The following ANKMY1 variants were observed in gnomAD, a reference collection of about 807,000 sequenced individuals.
ANKMY1 encodes ankyrin repeat and MYND domain-containing protein 1.
Under a neutral mutation model 102.0 loss-of-function variants are expected in ANKMY1, and 98 were observed. The ratio of observed to expected loss-of-function variants is 0.96; its 90% CI spans 0.82 to 1.14. ANKMY1 has a LOEUF of 1.14. ANKMY1 is among the 50% of genes most tolerant of loss of function. ANKMY1 has a pLI of 0.00. For synonymous variants in ANKMY1, 582 were observed against 559.9 expected (o/e 1.04, Z -0.56); for missense variants, 1,330 against 1,347.6 (o/e 0.99, Z 0.20).
chr2:240,555,847 G>C (rs2092288163), intron 2 of ANKMY1, among the ~76,000 whole-genome samples: 1 of 152,044 alleles, frequency 6.6e-6, no homozygotes, highest in African/African-American at 2.4e-5. Context: ...CAGGTGGATG[G>C]GGTGCCTCAG....
Position 240,524,157 on chromosome 2 carries a change from C to G in ANKMY1, c.1560G>C (p.Leu520=). 1 of 1,614,016 alleles carries G rather than the reference C, an allele frequency of 6.2e-7. No homozygotes were observed. Among genetic ancestry groups the G allele is most frequent in the Non-Finnish European group, 8.5e-7 (1 of 1,180,042 alleles). Residue 520 remains leucine (L), a synonymous_variant, in exon 8 of 18, where the codon CTG becomes CTC. Coordinates refer to ENST00000401804, the MANE Select transcript of ANKMY1 (RefSeq NM_001282771.3). The part of the protein sequence containing the change: ...GGSIDHRSSS[L]KGDSPLVKGS... ...CCTTCACCAACGGGGAGTCCCCCTT[C>G]AGAGAGCTGCTCCTGTGGTCTATGG...
At position 240,524,151 on chromosome 2, in the gene ANKMY1, C is replaced by G. The variant is rs144461947; in HGVS notation, c.1566G>C (p.Gly522=). 172 of 1,614,036 alleles carry G rather than the reference C, an allele frequency of 1.1e-4. 1 individual carries two copies. The African/African-American group carries it at 1.5e-3, about 14-fold the overall frequency. ...GGCTGCCCTTCACCAACGGGGAGTCCCCCTTCAGAGAGCTGCTCCTGTGGT... is the reference window on the plus strand; with the variant it reads ...GGCTGCCCTTCACCAACGGGGAGTCGCCCTTCAGAGAGCTGCTCCTGTGGT... ...SIDHRSSSLK[G]DSPLVKGSLG... Residue 522 remains glycine (G), a synonymous_variant, in exon 8 of 18, where the codon GGG becomes GGC. Coordinates refer to ENST00000401804, the MANE Select transcript of ANKMY1 (RefSeq NM_001282771.3).
intron 6 of ANKMY1, 35 bp downstream of exon 6, chr2:240,526,194 C>A (rs947698717): frequency 1.2e-5 from 20 of 1,612,924 alleles, no homozygotes; most frequent in Non-Finnish European, 1.7e-5. Context: ...CAGCTAAGCT[C>A]CTGCGGGCAC....
At chr2:240,556,995 G>A (rs939223793) in intron 2 of ANKMY1, among the ~76,000 whole-genome samples, 195 bp downstream of exon 2, 1 of 147,594 alleles carries the variant, frequency 6.8e-6, no homozygotes. Context: ...ACATGAGAAG[G>A]TTCCAATTAC....
the ANKMY1 span, among the ~76,000 whole-genome samples, chr2:240,474,259 CT>C: frequency 8.2e-6 from 1 of 121,844 alleles, no homozygotes; most frequent in African/African-American, 3.2e-5. Context: ...CCATGCCTGG[CT>C]AATTTTTTTT....
Position 240,500,036 on chromosome 2 carries a change from T to C in ANKMY1, c.2728A>G (p.Met910Val). Reference protein sequence around the residue: ...FLARKRLLEYMGLQLRQAVFA... With the variant: ...FLARKRLLEYVGLQLRQAVFA... The stretch of plus-strand genomic sequence containing the variant: ...ACAGCCTGCCGTAGCTGCAAGCCCA[T>C]GTACTCCAGGAGCCGCTTCCGCGCC... The change falls in exon 15 of 18, where the codon ATG (methionine) becomes GTG (valine). Residue 910 changes from methionine (M) to valine (V), a missense_variant. Coordinates refer to ENST00000401804, the MANE Select transcript of ANKMY1 (RefSeq NM_001282771.3). 1.2e-6 allele frequency: 2 copies of C among 1,613,042 alleles called. No individual in the cohort carries two copies. The highest frequency in any genetic ancestry group is 8.5e-7 in the Non-Finnish European group (1 of 1,179,800).
chr2:240,512,236 C>G (rs1309075324), intron 10 of ANKMY1, among the ~76,000 whole-genome samples: 2 of 152,252 alleles, frequency 1.3e-5, no homozygotes, highest in African/African-American at 4.8e-5. Context: ...CCCACGTCCC[C>G]CACGCAGTGG....
intron 15 of ANKMY1, among the ~76,000 whole-genome samples, chr2:240,494,030 G>A (rs925677253): frequency 6.6e-6 from 1 of 152,180 alleles, no homozygotes; most frequent in Non-Finnish European, 1.5e-5. Context: ...AGTGGTGCTG[G>A]CAGGTAGGTG....
chr2:240,486,428 A>G (rs115648258), intron 15 of ANKMY1, among the ~76,000 whole-genome samples: 5,344 of 152,322 alleles, frequency 0.035, 126 homozygotes, highest in South Asian at 0.08. Flanking sequence ...ATATGCATTT[A>G]TATTCTTCTT....
chr2:240,472,004 A>T, the ANKMY1 span, among the ~76,000 whole-genome samples: 1 of 152,034 alleles, frequency 6.6e-6, no homozygotes, highest in South Asian at 2.1e-4. Context: ...ATAGCCCTGT[A>T]AGTCAGCTCC....
upstream of ANKMY1, chr2:240,560,328 G>A (rs776474180): frequency 8.0e-5 from 15 of 187,110 alleles, no homozygotes; most frequent in Non-Finnish European, 1.5e-4. Flanking sequence ...CGCCGCAGTA[G>A]AGCGGGCAGG....
At chr2:240,532,266 T>A (rs1228495013) in intron 4 of ANKMY1, 1 of 323,704 alleles carries the variant, frequency 3.1e-6, no homozygotes, top group Non-Finnish European at 6.4e-6. Flanking sequence ...TGGAGTAGAA[T>A]CTTCACTGTG....
At chr2:240,473,248 A>G in the ANKMY1 span, among the ~76,000 whole-genome samples, 7 of 151,886 alleles carry the variant, frequency 4.6e-5, no homozygotes, top group Middle Eastern at 3.4e-3. Flanking sequence ...AAAAAACTCA[A>G]TAACATGCGA....
chr2:240,486,203 TAC>T (rs1438527815), intron 15 of ANKMY1, among the ~76,000 whole-genome samples: 5 of 152,206 alleles, frequency 3.3e-5, no homozygotes, highest in Non-Finnish European at 7.3e-5. Context: ...AGTCATTTCT[TAC>T]CACAACAGAA....
rs547562150 is a variant in ANKMY1 at position 240,517,567 on chromosome 2, C to T, written c.2004+2795G>A. On this transcript the variant is annotated intron_variant, in intron 9 of 17. Coordinates refer to ENST00000401804, the MANE Select transcript of ANKMY1 (RefSeq NM_001282771.3). ...GCTCATACCTGTAACCCTAGCACTTCGGGAGGCCAAGGCGGGAGGACTGCT... is the reference window on the plus strand; with the variant it reads ...GCTCATACCTGTAACCCTAGCACTTTGGGAGGCCAAGGCGGGAGGACTGCT... Among the ~76,000 whole-genome samples the T allele has an allele frequency of 7.9e-5, 12 of 152,246 alleles. No individual in the cohort carries two copies. In the South Asian group the frequency reaches 1.4e-3, roughly 18 times the overall value.
intron 4 of ANKMY1, among the ~76,000 whole-genome samples, chr2:240,533,814 A>C (rs368926097): frequency 6.6e-6 from 1 of 152,284 alleles, no homozygotes. Flanking sequence ...AAATGAAGAA[A>C]TATCTAAAAC....
intron 4 of ANKMY1, among the ~76,000 whole-genome samples, chr2:240,542,649 G>A (rs556922935): frequency 8.6e-5 from 13 of 151,756 alleles, no homozygotes; most frequent in East Asian, 3.9e-4. Context: ...GCTATCTCAC[G>A]GAGTTCCAAG....
the ANKMY1 span, among the ~76,000 whole-genome samples, chr2:240,474,109 T>C: frequency 2.9e-4 from 42 of 144,258 alleles, no homozygotes; most frequent in Non-Finnish European, 6.1e-4. Flanking sequence ...TTTTTTTTTT[T>C]ATTTGAGACA....
At chr2:240,539,129 A>G (rs2087845801) in intron 4 of ANKMY1, among the ~76,000 whole-genome samples, 1 of 152,168 alleles carries the variant, frequency 6.6e-6, no homozygotes, top group African/African-American at 2.4e-5. Flanking sequence ...GTCCCCTTCC[A>G]CACTGTGAAA....
Sources: allele counts gnomAD v4.1 joint callset (sites outside exome capture counted in the v4.1 genomes callset), GRCh38; gene constraint gnomAD v4.1.1; transcripts MANE v1.5; gene names NCBI Gene and HGNC (gene_info 2026-07-23, HGNC 2026-07-21).